Variants in DACH1 observed in about 807,000 individuals in gnomAD.
DACH1 encodes the protein dachshund homolog 1.
DACH1 carries 12 observed loss-of-function variants against 54.2 expected under a neutral mutation model. The ratio of observed to expected loss-of-function variants is 0.22; its 90% confidence interval spans 0.14 to 0.36. DACH1 has a LOEUF of 0.36. Ranked by LOEUF, DACH1 falls within the 10% of genes least tolerant of loss-of-function variation. The probability of loss-of-function intolerance (pLI) is 1.00; values close to 1 mark genes in which losing one functional copy is unlikely to be tolerated. For synonymous variants in DACH1, 386 were observed against 366.2 expected (o/e 1.05, Z -0.62); for missense variants, 805 against 929.8 (o/e 0.87, Z 1.75).
intron 6 of DACH1, among the ~76,000 whole-genome samples, chr13:71,535,894 T>G (rs1313929867): frequency 6.6e-6 from 1 of 152,078 alleles, no homozygotes; most frequent in Non-Finnish European, 1.5e-5. Flanking sequence ...TGCACTTAAG[T>G]ACATAGAGTA....
At chr13:71,736,378 C>T (rs1292253435) in intron 1 of DACH1, among the ~76,000 whole-genome samples, 1 of 151,972 alleles carries the variant, frequency 6.6e-6, no homozygotes, top group Non-Finnish European at 1.5e-5. Flanking sequence ...TGACAAAGGC[C>T]TTGAACATAT....
intron 3 of DACH1, among the ~76,000 whole-genome samples, chr13:71,628,577 G>T (rs1876836894): frequency 6.6e-6 from 1 of 151,890 alleles, no homozygotes; most frequent in Non-Finnish European, 1.5e-5. Flanking sequence ...TGGATGGGGG[G>T]TGTCAAAACT....
chr13:71,624,833 A>AAAATG (rs2138553094), intron 3 of DACH1, among the ~76,000 whole-genome samples: 1 of 152,096 alleles, frequency 6.6e-6, no homozygotes, highest in African/African-American at 2.4e-5. Flanking sequence ...TAATTGGTAA[A>AAAATG]AAATGAAGAT....
At chr13:71,737,781 T>C (rs1472978697) in intron 1 of DACH1, among the ~76,000 whole-genome samples, 1 of 152,132 alleles carries the variant, frequency 6.6e-6, no homozygotes, top group Admixed American at 6.6e-5. Context: ...GCAATAGGAA[T>C]GGTGAAGTTG....
At chr13:71,818,614 C>T (rs1888057898) in intron 1 of DACH1, among the ~76,000 whole-genome samples, 1 of 152,212 alleles carries the variant, frequency 6.6e-6, no homozygotes, top group South Asian at 2.1e-4. Flanking sequence ...CCTATTTGGT[C>T]ATCTTGTCTC....
intron 6 of DACH1, among the ~76,000 whole-genome samples, chr13:71,499,999 T>C (rs1879777864): frequency 6.6e-6 from 1 of 151,818 alleles, no homozygotes; most frequent in South Asian, 2.1e-4. Flanking sequence ...GAGTTAATGA[T>C]TAAAAAAAAT....
At chr13:71,631,654 T>G (rs1035367627) in intron 2 of DACH1, among the ~76,000 whole-genome samples, 2 of 152,186 alleles carry the variant, frequency 1.3e-5, no homozygotes, top group African/African-American at 4.8e-5. Flanking sequence ...TATCCTTACT[T>G]TACAGATTAG....
chr13:71,490,238 TCTC>T (rs914137544), intron 6 of DACH1, among the ~76,000 whole-genome samples: 31 of 152,266 alleles, frequency 2.0e-4, no homozygotes, highest in African/African-American at 7.5e-4. Context: ...ATTCCACTGT[TCTC>T]CTCAATCATT....
intron 1 of DACH1, among the ~76,000 whole-genome samples, chr13:71,820,105 GAAAAAAAAAAA>G (rs59126150): frequency 2.8e-4 from 15 of 54,122 alleles, no homozygotes; most frequent in East Asian, 6.5e-4. Flanking sequence ...TGCCTCTACC[GAAAAAAAAAAA>G]AAAAAAAAAA....
intron 10 of DACH1, among the ~76,000 whole-genome samples, chr13:71,445,765 C>A (rs1415195657): frequency 6.6e-6 from 1 of 152,108 alleles, no homozygotes; most frequent in Non-Finnish European, 1.5e-5. Context: ...TTATAATGTT[C>A]CAGAGAAGTT....
At chr13:71,589,185 G>C (rs1873513198) in intron 3 of DACH1, among the ~76,000 whole-genome samples, 1 of 151,850 alleles carries the variant, frequency 6.6e-6, no homozygotes, top group Non-Finnish European at 1.5e-5. Context: ...TACTTAGAAG[G>C]TTTCTGCAAA....
chr13:71,733,245 TC>T, intron 1 of DACH1, among the ~76,000 whole-genome samples: 1 of 152,284 alleles, frequency 6.6e-6, no homozygotes, highest in East Asian at 1.9e-4. Context: ...CACTGCAACC[TC>T]TGTCTCCCAG....
At chr13:71,507,317 T>C (rs1880415794) in intron 6 of DACH1, among the ~76,000 whole-genome samples, 1 of 152,184 alleles carries the variant, frequency 6.6e-6, no homozygotes, top group African/African-American at 2.4e-5. Flanking sequence ...CTTTGTTTTT[T>C]AGCATAGAAA....
intron 2 of DACH1, among the ~76,000 whole-genome samples, chr13:71,676,374 T>C (rs763091515): frequency 4.6e-5 from 7 of 152,066 alleles, no homozygotes; most frequent in Admixed American, 1.3e-4. Context: ...CCTGCCACCA[T>C]GCCCAGCTAA....
chr13:71,806,259 T>C (rs1222643481), intron 1 of DACH1, among the ~76,000 whole-genome samples: 1 of 152,190 alleles, frequency 6.6e-6, no homozygotes, highest in African/African-American at 2.4e-5. Flanking sequence ...TATTTTAAAT[T>C]TCCCAGGTGT....
At chr13:71,488,967 G>T (rs760274717) in intron 7 of DACH1, 30 bp downstream of exon 7, 1 of 1,599,542 alleles carries the variant, frequency 6.3e-7, no homozygotes, top group Non-Finnish European at 8.5e-7. Context: ...TGTTCCATAT[G>T]TCTTTCTTCC....
intron 4 of DACH1, among the ~76,000 whole-genome samples, chr13:71,565,525 G>T (rs1884847457): frequency 6.6e-6 from 1 of 152,048 alleles, no homozygotes; most frequent in African/African-American, 2.4e-5. Flanking sequence ...AAGACAAATA[G>T]CAGAATTGGA....
intron 1 of DACH1, among the ~76,000 whole-genome samples, chr13:71,818,914 A>G (rs912330388): frequency 3.3e-5 from 5 of 152,194 alleles, no homozygotes; most frequent in African/African-American, 1.2e-4. Flanking sequence ...CTAATCATGA[A>G]ACTCCCAGGA....
chr13:71,453,522 T>C (rs1257963690), intron 10 of DACH1, among the ~76,000 whole-genome samples: 1 of 152,018 alleles, frequency 6.6e-6, no homozygotes, highest in Non-Finnish European at 1.5e-5. Flanking sequence ...AAACCAGAGG[T>C]GGCAATTAGA....
Sources: gnomAD v4.1 joint callset for allele counts (sites outside exome capture counted in the v4.1 genomes callset) on GRCh38, gnomAD v4.1.1 for gene constraint, MANE v1.5 for transcripts, NCBI Gene and HGNC (gene_info 2026-07-23, HGNC 2026-07-21) for gene names.